Variants in SSBP3 observed in about 807,000 individuals in gnomAD.
SSBP3 encodes the protein single-stranded DNA-binding protein 3.
Under a neutral mutation model 69.6 loss-of-function variants are expected in SSBP3, and 5 were observed. That is an observed-to-expected ratio of 0.07 (90% CI 0.04 to 0.15). The LOEUF is 0.15. Ranked by LOEUF, SSBP3 falls within the 10% of genes least tolerant of loss-of-function variation. The pLI, the probability that SSBP3 is intolerant of heterozygous loss-of-function variation, is 1.00. For synonymous variants in SSBP3, 196 were observed against 193.4 expected, an observed-to-expected ratio of 1.01 and a Z score of -0.11; for missense variants, 312 against 534.0, an observed-to-expected ratio of 0.58 and a Z score of 4.10.
chr1:54,355,784 A>G (rs753367811), intron 4 of SSBP3, among the ~76,000 whole-genome samples: 2 of 152,180 alleles, frequency 1.3e-5, no homozygotes, highest in Non-Finnish European at 2.9e-5. Context: ...GAAGGCGGCT[A>G]TTGTATGCAG....
intron 4 of SSBP3, among the ~76,000 whole-genome samples, chr1:54,352,926 C>T (rs1292361641): frequency 6.6e-6 from 1 of 152,188 alleles, no homozygotes; most frequent in African/African-American, 2.4e-5. Flanking sequence ...GCCACCCAGT[C>T]CCAAAAAATG....
intron 9 of SSBP3, among the ~76,000 whole-genome samples, chr1:54,248,496 C>T (rs1197595137): frequency 6.6e-6 from 1 of 152,222 alleles, no homozygotes; most frequent in Non-Finnish European, 1.5e-5. Context: ...CAGGACTGTG[C>T]TTTCCAGAAC....
intron 4 of SSBP3, among the ~76,000 whole-genome samples, chr1:54,377,788 T>C (rs1346394619): frequency 6.6e-6 from 1 of 152,184 alleles, no homozygotes; most frequent in African/African-American, 2.4e-5. Context: ...AAAAACTGGC[T>C]TTGATGACAG....
At chr1:54,408,010 T>C (rs956412024), upstream of SSBP3, among the ~76,000 whole-genome samples, 6 of 152,076 alleles carry the variant, frequency 3.9e-5, no homozygotes, top group African/African-American at 1.4e-4. Context: ...AGAATCTGCA[T>C]TGGTTCAGGA....
At chr1:54,343,581 T>C (rs1269450687) in intron 4 of SSBP3, among the ~76,000 whole-genome samples, 2 of 152,074 alleles carry the variant, frequency 1.3e-5, no homozygotes, top group Admixed American at 6.6e-5. Flanking sequence ...CTTCAGAGGG[T>C]TTGCAAACCC....
At position 54,243,425 on chromosome 1, in the gene SSBP3, A is replaced by G. The variant is rs1409625766; in HGVS notation, c.652-126T>C. Reference sequence around the variant, plus strand: ...GTGAAAAGGATTGATGAGAAAAAATAATACATTCTTTCAAAAACGGTGGGG... The same window carrying G: ...GTGAAAAGGATTGATGAGAAAAAATGATACATTCTTTCAAAAACGGTGGGG... On this transcript the variant is annotated intron_variant, in intron 9 of 17. Coordinates refer to ENST00000610401, the Ensembl canonical transcript of SSBP3. 6 of 1,223,168 alleles carry G rather than the reference A, an allele frequency of 4.9e-6. No homozygotes were observed. In the African/African-American group the frequency reaches 9.0e-5, roughly 18 times the overall value. 75.8% of individuals were successfully genotyped at this position (1,223,168 alleles called of 1,614,324 possible). A position where few individuals can be genotyped will look rare whatever the true frequency, so the allele number is the denominator to read the frequency against.
chr1:54,226,531 TC>T (rs1202395063), exon 18 of SSBP3: 4 of 153,450 alleles, frequency 2.6e-5, no homozygotes, highest in African/African-American at 9.7e-5. Flanking sequence ...TTGTAAACTG[TC>T]CAGTTTATTA....
At chr1:54,237,935 G>A (rs1644527756) in intron 14 of SSBP3, 1 of 360,930 alleles carries the variant, frequency 2.8e-6, no homozygotes, top group Admixed American at 3.7e-5. Context: ...ACTCGAGGCA[G>A]ATCATCCACG....
At chr1:54,371,795 G>T (rs1056927359) in intron 4 of SSBP3, among the ~76,000 whole-genome samples, 1 of 152,214 alleles carries the variant, frequency 6.6e-6, no homozygotes. Context: ...CCTCAAAAAC[G>T]AAGACAGTCG....
chr1:54,366,436 G>A (rs572393134), intron 4 of SSBP3, among the ~76,000 whole-genome samples: 1 of 152,238 alleles, frequency 6.6e-6, no homozygotes, highest in South Asian at 2.1e-4. Flanking sequence ...GATCTCTCTA[G>A]GATAAGCAAC....
intron 4 of SSBP3, among the ~76,000 whole-genome samples, chr1:54,295,789 C>G (rs1018423243): frequency 1.3e-5 from 2 of 152,150 alleles, no homozygotes; most frequent in African/African-American, 4.8e-5. Flanking sequence ...TTGCACATGC[C>G]CTTCTCCCCT....
chr1:54,363,411 T>C (rs972803161), intron 4 of SSBP3, among the ~76,000 whole-genome samples: 1 of 133,526 alleles, frequency 7.5e-6, no homozygotes, highest in Admixed American at 7.0e-5. Flanking sequence ...TTCAAAAGTA[T>C]TTAGCACAAT....
At chr1:54,314,214 A>G (rs1646056443) in intron 4 of SSBP3, among the ~76,000 whole-genome samples, 1 of 152,230 alleles carries the variant, frequency 6.6e-6, no homozygotes, top group Non-Finnish European at 1.5e-5. Flanking sequence ...AAGGGGAGAC[A>G]GGATTACCTG....
chr1:54,323,229 C>G (rs897736021), intron 4 of SSBP3, among the ~76,000 whole-genome samples: 3 of 152,166 alleles, frequency 2.0e-5, no homozygotes, highest in Non-Finnish European at 4.4e-5. Context: ...AATTTAAGCC[C>G]CCAAATTCTG....
chr1:54,405,659 C>G (rs1649680967), intron 1 of SSBP3, among the ~76,000 whole-genome samples: 1 of 152,028 alleles, frequency 6.6e-6, no homozygotes, highest in African/African-American at 2.4e-5. Context: ...ACCTCGCCCA[C>G]CACTCACCGC....
At chr1:54,268,682 T>A (rs932078315) in intron 5 of SSBP3, among the ~76,000 whole-genome samples, 1 of 152,194 alleles carries the variant, frequency 6.6e-6, no homozygotes, top group African/African-American at 2.4e-5. Context: ...TTTTCATGCC[T>A]TTTCCTCCCT....
At chr1:54,238,893 C>T (rs562314942) in intron 14 of SSBP3, 12 of 400,666 alleles carry the variant, frequency 3.0e-5, no homozygotes, top group Admixed American at 8.1e-5. Context: ...GCACAGCGGG[C>T]ACCCTGGCTC....
At chr1:54,346,537 A>G (rs1186539622) in intron 4 of SSBP3, among the ~76,000 whole-genome samples, 2 of 151,930 alleles carry the variant, frequency 1.3e-5, no homozygotes, top group Non-Finnish European at 2.9e-5. Flanking sequence ...TCTCCTGGCT[A>G]GGCGCGGTGG....
intron 4 of SSBP3, among the ~76,000 whole-genome samples, chr1:54,380,630 C>G (rs1221118132): frequency 6.6e-6 from 1 of 152,242 alleles, no homozygotes; most frequent in Non-Finnish European, 1.5e-5. Flanking sequence ...CCCCGGCTCT[C>G]ACCTACGGAG....
Sources: gnomAD v4.1 joint callset for allele counts (sites outside exome capture counted in the v4.1 genomes callset) on GRCh38, gnomAD v4.1.1 for gene constraint, MANE v1.5 for transcripts, NCBI Gene and HGNC (gene_info 2026-07-23, HGNC 2026-07-21) for gene names.